SMARCD3: variants seen among roughly 807,000 people sequenced by gnomAD.
The protein encoded by SMARCD3 is SWI/SNF related BAF chromatin remodeling complex subunit D3.
SMARCD3 carries 14 observed loss-of-function variants against 58.0 expected under a neutral mutation model. The observed-to-expected ratio is 0.24, with a 90% CI of 0.16 to 0.38. SMARCD3 has a LOEUF of 0.38. Ranked by LOEUF, SMARCD3 falls within the 10% of genes least tolerant of loss-of-function variation. The pLI, the probability that SMARCD3 is intolerant of heterozygous loss-of-function variation, is 1.00. For synonymous variants in SMARCD3, 253 were observed against 253.8 expected, an observed-to-expected ratio of 1.00 and a Z score of 0.03; for missense variants, 408 against 636.9, an observed-to-expected ratio of 0.64 and a Z score of 3.87.
chr7:151,241,193 G>A lies in SMARCD3; in HGVS notation c.939+299C>T. Reference sequence around the variant, plus strand: ...AGTCCAGACTCAGGACTAGAACCTGGGGATCCTAACTCCAAGTGCCAAGAA... The same window carrying A: ...AGTCCAGACTCAGGACTAGAACCTGAGGATCCTAACTCCAAGTGCCAAGAA... On this transcript the variant is annotated intron_variant, in intron 8 of 12. Transcript: ENST00000262188. The surrounding 1 kb of genome is among the most constrained non-coding windows in gnomAD (Gnocchi z 5.3). 2.4e-6 allele frequency: 1 copy of A among 424,044 alleles called. No homozygotes were observed. Among genetic ancestry groups the A allele is most frequent in the South Asian group, 2.1e-5 (1 of 47,062 alleles). The allele number at this position is 424,044 out of a possible 1,614,324, so 26.3% of individuals were successfully genotyped here.
Position 151,239,221 on chromosome 7 carries a change from C to T in SMARCD3, c.1399-65G>A. 6.5e-7 allele frequency: 1 copy of T among 1,535,040 alleles called. No individual in the cohort carries two copies. Among genetic ancestry groups the T allele is most frequent in the Non-Finnish European group, 9.0e-7 (1 of 1,108,136 alleles). On this transcript the variant is annotated intron_variant, in intron 12 of 12. Transcript: ENST00000262188. This position sits in a 1 kb window ranked among gnomAD's most constrained non-coding sequence, Gnocchi z 7.0. ...TGGTGAGTGATCAGGACAATCCCAC[C>T]TACTGACACCGCCTGCCCTGAAAGA...
upstream of SMARCD3, among the ~76,000 whole-genome samples, chr7:151,249,833 G>A (rs892645716): frequency 1.3e-5 from 2 of 151,980 alleles, no homozygotes; most frequent in African/African-American, 4.8e-5. The surrounding 1 kb of genome is among the most constrained non-coding windows in gnomAD (Gnocchi z 4.8). Flanking sequence ...TGGAGTGGAG[G>A]AGGGACCGGA....
At chr7:151,274,856 G>C (rs904964680) in intron 2 of SMARCD3, among the ~76,000 whole-genome samples, 1 of 152,228 alleles carries the variant, frequency 6.6e-6, no homozygotes, top group Non-Finnish European at 1.5e-5. Flanking sequence ...GGCTTTGAGA[G>C]GCAGGACCTA....
chr7:151,251,788 C>T (rs1476189001), upstream of SMARCD3, among the ~76,000 whole-genome samples: 1 of 151,726 alleles, frequency 6.6e-6, no homozygotes, highest in Non-Finnish European at 1.5e-5. Context: ...TGAAGCACCA[C>T]CAGCACCAAA....
chr7:151,239,038 C>A lies in SMARCD3; in HGVS notation c.*65G>T. 1 of 1,514,148 alleles carries A rather than the reference C, an allele frequency of 6.6e-7. No individual in the cohort carries two copies. Among genetic ancestry groups the A allele is most frequent in the Admixed American group, 1.7e-5 (1 of 59,898 alleles). 93.8% of individuals were successfully genotyped at this position (1,514,148 alleles called of 1,614,324 possible). A position where few individuals can be genotyped will look rare whatever the true frequency, so the allele number is the denominator to read the frequency against. On this transcript the variant is annotated 3_prime_UTR_variant, in exon 13 of 13. Coordinates refer to ENST00000262188, the MANE Select transcript of SMARCD3 (RefSeq NM_001003801.2). The surrounding 1 kb of genome is among the most constrained non-coding windows in gnomAD (Gnocchi z 7.0). ...GTGGCAGAGGAGTGATGCTGGAGCC[C>A]GGGGCAAAATGCTGGGGCCCGGGAC...
intron 2 of SMARCD3, among the ~76,000 whole-genome samples, chr7:151,265,764 C>T (rs1463938740): frequency 6.6e-6 from 1 of 152,232 alleles, no homozygotes; most frequent in Non-Finnish European, 1.5e-5. Context: ...GTCTCCTCAT[C>T]AGTGGGTATT....
At chr7:151,275,238 G>A (rs1795305852) in exon 2 of SMARCD3, 1 of 1,134,676 alleles carries the variant, frequency 8.8e-7, no homozygotes, top group South Asian at 1.3e-5. Flanking sequence ...AGCACCAAGG[G>A]CCATTCTGAG....
exon 2 of SMARCD3, chr7:151,275,135 C>T (rs763727009): frequency 1.2e-6 from 2 of 1,612,374 alleles, no homozygotes; most frequent in Middle Eastern, 1.7e-4. Flanking sequence ...TGGGTGGGTG[C>T]TGAAGACCTG....
Position 151,245,473 on chromosome 7 carries a change from CG to C in SMARCD3, c.276del (p.Ala93ArgfsTer55), listed in dbSNP as rs1373792698. On this transcript the variant is annotated frameshift_variant, in exon 2 of 13. Transcript: ENST00000262188. LOFTEE classifies it high-confidence loss of function. The surrounding 1 kb of genome is among the most constrained non-coding windows in gnomAD (Gnocchi z 6.2). ...CCTCCCACTCACCTGCGGCTCCGCG[CG>C]GGGGCGGTGGGCACCGGCTGGCCCT... is the stretch of plus-strand genomic sequence containing the variant. ...QSQGQPVPTA[P>X]ARSRSAKRRK... is the part of the protein sequence containing the mutation. The C allele has an allele frequency of 8.2e-7, 1 of 1,219,686 alleles. No homozygotes were observed. The highest frequency in any genetic ancestry group is 1.0e-6 in the Non-Finnish European group (1 of 978,508). The allele number at this position is 1,219,686 out of a possible 1,614,324, so 75.6% of individuals were successfully genotyped here.
At position 151,243,354 on chromosome 7, in the gene SMARCD3, A is replaced by G. The variant is rs76233136; in HGVS notation, c.333+305T>C. Among the ~76,000 whole-genome samples the G allele has an allele frequency of 1.3e-3, 197 of 152,048 alleles. 4 individuals carry two copies. In the East Asian group the frequency reaches 0.027, roughly 21 times the overall value. ...TGCTCAGGATCTCTGGCCACCTTCT[A>G]TCCCCTTCATTCTGCCTGGCAGCTT... is the stretch of plus-strand genomic sequence containing the variant. On this transcript the variant is annotated intron_variant, in intron 3 of 12. Transcript: ENST00000262188. This position sits in a 1 kb window ranked among gnomAD's most constrained non-coding sequence, Gnocchi z 4.4.
In SMARCD3 at chr7:151,239,074, G is replaced by A. The variant is rs746792722; in HGVS notation, c.*29C>T. 4.3e-6 allele frequency: 7 copies of A among 1,611,846 alleles called. No individual in the cohort carries two copies. The highest frequency in any genetic ancestry group is 5.9e-6 in the Non-Finnish European group (7 of 1,177,928). ...GCTGGGGCCCGGGACACGGCTGAAA[G>A]TTCCGTCGTGCTGCTTATTTTTGGG... On this transcript the variant is annotated 3_prime_UTR_variant, in exon 13 of 13. Transcript: ENST00000262188. The surrounding 1 kb of genome is among the most constrained non-coding windows in gnomAD (Gnocchi z 7.0).
intron 2 of SMARCD3, among the ~76,000 whole-genome samples, chr7:151,268,714 A>T (rs1043513727): frequency 6.6e-6 from 1 of 152,084 alleles, no homozygotes; most frequent in Non-Finnish European, 1.5e-5. Flanking sequence ...TGATTATAAC[A>T]GCACTTACCT....
Position 151,242,553 on chromosome 7 carries a change from C to A in SMARCD3, c.507G>T (p.Lys169Asn). 4 of 1,614,158 alleles carry A rather than the reference C, an allele frequency of 2.5e-6. No homozygotes were observed. The highest frequency in any genetic ancestry group is 3.4e-6 in the Non-Finnish European group (4 of 1,180,012). ...LYISNTFNPA[K>N]PDAEDSDGSI... ...TGCCGTCGGAATCCTCAGCATCAGG[C>A]TTCGCAGGGTTAAAAGTGTTGGAGA... Residue 169 changes from lysine to asparagine, a missense_variant, in exon 5 of 13, where the codon AAG becomes AAT. By Grantham distance (94) the Lys-to-Asn change is moderately conservative (BLOSUM62 0). Transcript: ENST00000262188. The surrounding 1 kb of genome is among the most constrained non-coding windows in gnomAD (Gnocchi z 4.7).
intron 2 of SMARCD3, among the ~76,000 whole-genome samples, chr7:151,268,729 G>C (rs1795069644): frequency 6.6e-6 from 1 of 152,014 alleles, no homozygotes; most frequent in Non-Finnish European, 1.5e-5. Flanking sequence ...TTACCTTATA[G>C]TGTTGTGGTT....
upstream of SMARCD3, chr7:151,248,768 CGCCGCCGCGGCT>C: frequency 6.3e-6 from 6 of 949,720 alleles, no homozygotes; most frequent in Non-Finnish European, 7.8e-6. This position sits in a 1 kb window ranked among gnomAD's most constrained non-coding sequence, Gnocchi z 6.1. Flanking sequence ...CCGCCGCCGC[CGCCGCCGCGGCT>C]GCCGCATTCC....
upstream of SMARCD3, among the ~76,000 whole-genome samples, chr7:151,253,668 C>T (rs2150603344): frequency 6.6e-6 from 1 of 152,288 alleles, no homozygotes; most frequent in South Asian, 2.1e-4. Context: ...CTCTTACTCC[C>T]CATTAATGAG....
chr7:151,249,422 C>T (rs1803436091), upstream of SMARCD3: 1 of 152,264 alleles, frequency 6.6e-6, no homozygotes, highest in Admixed American at 6.5e-5. This position sits in a 1 kb window ranked among gnomAD's most constrained non-coding sequence, Gnocchi z 4.8. Context: ...TGTGGCAGGA[C>T]ATGGCCTGTG....
intron 2 of SMARCD3, among the ~76,000 whole-genome samples, chr7:151,259,954 T>G (rs1293543020): frequency 6.6e-6 from 1 of 152,160 alleles, no homozygotes; most frequent in Non-Finnish European, 1.5e-5. Context: ...TAGATTTGTA[T>G]AGGACTTTAC....
intron 2 of SMARCD3, among the ~76,000 whole-genome samples, chr7:151,273,123 C>T (rs74991119): frequency 1.3e-3 from 194 of 152,350 alleles, no homozygotes; most frequent in African/African-American, 4.1e-3. Context: ...CGCACACCGC[C>T]GATTGCATGT....
Sources: gnomAD v4.1 joint callset for allele counts (sites outside exome capture counted in the v4.1 genomes callset) on GRCh38, gnomAD v4.1.1 for gene constraint, Gnocchi (gnomAD v3.1) non-coding constraint, MANE v1.5 for transcripts, NCBI Gene and HGNC (gene_info 2026-07-23, HGNC 2026-07-21) for gene names.